METTL14: variants seen among roughly 807,000 people sequenced by gnomAD.
METTL14 encodes methyltransferase 14, N6-adenosine-methyltransferase non-catalytic subunit.
In METTL14, 32 loss-of-function variants were observed where a neutral mutation model predicts 62.4. The ratio of observed to expected loss-of-function variants is 0.51; its 90% CI spans 0.39 to 0.69. The LOEUF (loss-of-function observed/expected upper bound fraction) is 0.69. Ranked by LOEUF, METTL14 falls within the 30% of genes least tolerant of loss-of-function variation. The pLI, the probability that METTL14 is intolerant of heterozygous loss-of-function variation, is 0.00. For synonymous variants in METTL14, 150 were observed against 180.0 expected (o/e 0.83, Z 1.34); for missense variants, 340 against 551.9 (o/e 0.62, Z 3.85).
chr4:118,708,887 C>T (rs1282643037), intron 10 of METTL14, among the ~76,000 whole-genome samples: 1 of 152,182 alleles, frequency 6.6e-6, no homozygotes, highest in Non-Finnish European at 1.5e-5. Context: ...AGTCACCACA[C>T]CCAAAGAACC....
At position 118,705,840 on chromosome 4, in the gene METTL14, A is replaced by G; in HGVS notation, c.1066+19A>G. The G allele has an allele frequency of 6.3e-7, 1 of 1,578,692 alleles. No homozygotes were observed. The highest frequency in any genetic ancestry group is 8.7e-7 in the Non-Finnish European group (1 of 1,150,010). On this transcript the variant is annotated intron_variant, in intron 10 of 10. Coordinates refer to ENST00000388822, the MANE Select transcript of METTL14 (RefSeq NM_020961.4). ...CGACCAGGTAGGACCTCAGTTAACAACAACTTTTATGATTCTTTGGGTTAT... is the reference window on the plus strand; with the variant it reads ...CGACCAGGTAGGACCTCAGTTAACAGCAACTTTTATGATTCTTTGGGTTAT...
rs975776472 is a variant in METTL14, at chr4:118,711,258, A to G, written c.*956A>G. The stretch of plus-strand genomic sequence containing the variant: ...ATACAGCTTGGAAATTGGAACTGCA[A>G]TTGCCTTTTATTAAAACCATATGGT... On this transcript the variant is annotated 3_prime_UTR_variant, in exon 11 of 11. Coordinates refer to ENST00000388822, the MANE Select transcript of METTL14 (RefSeq NM_020961.4). 2 of 152,178 alleles carry G rather than the reference A, an allele frequency of 1.3e-5. No homozygotes were observed. Among genetic ancestry groups the G allele is most frequent in the African/African-American group, 2.4e-5 (1 of 41,448 alleles). The allele number at this position is 152,178 out of a possible 1,614,324, so 9.4% of individuals were successfully genotyped here. A position where few individuals can be genotyped will look rare whatever the true frequency, so the allele number is the denominator to read the frequency against.
At chr4:118,708,208 A>G (rs566578900) in intron 10 of METTL14, among the ~76,000 whole-genome samples, 1 of 152,342 alleles carries the variant, frequency 6.6e-6, no homozygotes, top group African/African-American at 2.4e-5. Flanking sequence ...AGAATTTGGA[A>G]GAGAGGGGAA....
intron 3 of METTL14, among the ~76,000 whole-genome samples, chr4:118,690,665 G>A (rs1441696806): frequency 1.4e-5 from 2 of 148,112 alleles, no homozygotes; most frequent in African/African-American, 2.5e-5. Flanking sequence ...GGGCAACAGA[G>A]TGACTCTGTC....
chr4:118,713,335 G>A lies in METTL14; in HGVS notation c.*3033G>A, dbSNP rs1724978703. ...ATCAGGGTGTCACAGCTGCTACTAG[G>A]AGTTACTCCTTTTCATGTCTTTTAA... is the stretch of plus-strand genomic sequence containing the variant. On this transcript the variant is annotated 3_prime_UTR_variant, in exon 11 of 11. Coordinates refer to ENST00000388822, the MANE Select transcript of METTL14 (RefSeq NM_020961.4). The A allele has an allele frequency of 6.6e-6, 1 of 152,196 alleles. No homozygotes were observed. The highest frequency in any genetic ancestry group is 2.1e-4 in the South Asian group (1 of 4,832). The allele number at this position is 152,196 out of a possible 1,614,324, so 9.4% of individuals were successfully genotyped here. A position where few individuals can be genotyped will look rare whatever the true frequency, so the allele number is the denominator to read the frequency against.
chr4:118,694,066 ATTT>A (rs397816626), intron 5 of METTL14, among the ~76,000 whole-genome samples: 2 of 136,716 alleles, frequency 1.5e-5, no homozygotes, highest in African/African-American at 2.7e-5. Flanking sequence ...TAGGATAAGG[ATTT>A]TTTTTTTTTT....
At position 118,710,327 on chromosome 4, in the gene METTL14, A is replaced by G; in HGVS notation, c.*25A>G. ...ATTGTTGAAGACATTGAACCTATTC[A>G]TCCTCCTCTAACCTTCTTTATTGTA... On this transcript the variant is annotated 3_prime_UTR_variant, in exon 11 of 11. Coordinates refer to ENST00000388822, the MANE Select transcript of METTL14 (RefSeq NM_020961.4). The G allele has an allele frequency of 6.3e-7, 1 of 1,583,408 alleles. No individual in the cohort carries two copies.
At chr4:118,687,266 C>T (rs1031199871) in intron 1 of METTL14, among the ~76,000 whole-genome samples, 1 of 152,182 alleles carries the variant, frequency 6.6e-6, no homozygotes, top group Non-Finnish European at 1.5e-5. Flanking sequence ...AATACCAAAA[C>T]TCAAAATCGG....
At chr4:118,691,860 C>T in intron 4 of METTL14, 121 bp from the exon 5 acceptor site, 1 of 670,434 alleles carries the variant, frequency 1.5e-6, no homozygotes, top group East Asian at 3.0e-5. Context: ...TCAAATATTA[C>T]TAATTTTTAA....
In METTL14 at chr4:118,696,795, A is replaced by G. The variant is rs140986684; in HGVS notation, c.504-387A>G. Among the ~76,000 whole-genome samples, 3 of 152,282 alleles carry G rather than the reference A, an allele frequency of 2.0e-5. No individual in the cohort carries two copies. The East Asian group carries it at 5.8e-4, about 29-fold the overall frequency. ...AATGGGTTTTCTAACTGAACAATTG[A>G]GAATAAAACAATGTGATATTCCTTA... On this transcript the variant is annotated intron_variant, in intron 6 of 10. Coordinates refer to ENST00000388822, the MANE Select transcript of METTL14 (RefSeq NM_020961.4).
intron 8 of METTL14, among the ~76,000 whole-genome samples, chr4:118,701,550 G>A (rs1042922903): frequency 6.6e-6 from 1 of 152,122 alleles, no homozygotes; most frequent in Non-Finnish European, 1.5e-5. Context: ...AATAACAACA[G>A]TATTATGACT....
intron 2 of METTL14, among the ~76,000 whole-genome samples, chr4:118,688,295 G>T (rs1365217575): frequency 6.6e-6 from 1 of 152,118 alleles, no homozygotes; most frequent in South Asian, 2.1e-4. Flanking sequence ...AAATTAGCCA[G>T]ACATGGTGGC....
chr4:118,710,397 C>T lies in METTL14; in HGVS notation c.*95C>T. On this transcript the variant is annotated 3_prime_UTR_variant, in exon 11 of 11. Coordinates refer to ENST00000388822, the MANE Select transcript of METTL14 (RefSeq NM_020961.4). ...ACTTAACTTTAGAACTCACTTCCAG[C>T]TTGCACTTTGCTTTAATTTCTCTGA... 8.0e-7 allele frequency: 1 copy of T among 1,255,096 alleles called. No homozygotes were observed. The highest frequency in any genetic ancestry group is 1.1e-6 in the Non-Finnish European group (1 of 919,346). 77.7% of individuals were successfully genotyped at this position (1,255,096 alleles called of 1,614,324 possible).
chr4:118,700,398 A>T, intron 7 of METTL14, 152 bp from the exon 8 acceptor site: 1 of 569,032 alleles, frequency 1.8e-6, no homozygotes, highest in Non-Finnish European at 3.1e-6. Flanking sequence ...GAGTAATTTT[A>T]AGGATAACAT....
intron 10 of METTL14, among the ~76,000 whole-genome samples, chr4:118,706,444 C>T (rs1452358988): frequency 6.6e-6 from 1 of 152,072 alleles, no homozygotes; most frequent in Non-Finnish European, 1.5e-5. Context: ...TTTTTAGTGC[C>T]GAATAATATT....
chr4:118,702,012 G>C (rs1426784775), intron 8 of METTL14, among the ~76,000 whole-genome samples: 2 of 151,498 alleles, frequency 1.3e-5, no homozygotes, highest in Non-Finnish European at 2.9e-5. Flanking sequence ...AAACATACAT[G>C]TTTTTATAGG....
chr4:118,702,478 T>C (rs298997), intron 8 of METTL14, among the ~76,000 whole-genome samples: 40,410 of 152,000 alleles, frequency 0.27, 6,564 homozygotes, highest in East Asian at 0.51. Context: ...ATTTTGGAGA[T>C]TTTAAAATAA....
At chr4:118,701,193 G>GT (rs764795759) in intron 8 of METTL14, among the ~76,000 whole-genome samples, 1 of 137,626 alleles carries the variant, frequency 7.3e-6, no homozygotes, top group Non-Finnish European at 1.6e-5. Flanking sequence ...GTTTTTTTTT[G>GT]TTTTTTTGAG....
At position 118,685,502 on chromosome 4, in the gene METTL14, G is replaced by A; in HGVS notation, c.-33G>A. 6.2e-7 allele frequency: 1 copy of A among 1,606,422 alleles called. No homozygotes were observed. The highest frequency in any genetic ancestry group is 1.1e-5 in the South Asian group (1 of 90,944). ...ATAAGAGTTCACTGGAGATTGACAAGTACTCGGGATAGTGAAAAGCCGGAG... is the reference window on the plus strand; with the variant it reads ...ATAAGAGTTCACTGGAGATTGACAAATACTCGGGATAGTGAAAAGCCGGAG... On this transcript the variant is annotated 5_prime_UTR_variant, in exon 1 of 11. Coordinates refer to ENST00000388822, the MANE Select transcript of METTL14 (RefSeq NM_020961.4).
Sources: gnomAD v4.1 joint callset for allele counts (sites outside exome capture counted in the v4.1 genomes callset) on GRCh38, gnomAD v4.1.1 for gene constraint, MANE v1.5 for transcripts, NCBI Gene and HGNC (gene_info 2026-07-23, HGNC 2026-07-21) for gene names.